Variants in CEP112 observed in about 807,000 individuals in gnomAD.
CEP112 encodes the protein centrosomal protein 112.
A neutral mutation model predicts 153.0 loss-of-function variants in CEP112; 127 were observed. The ratio of observed to expected loss-of-function variants is 0.83; its 90% CI spans 0.72 to 0.96. The LOEUF is 0.96. CEP112 is among the 40% of genes least tolerant of loss of function. The probability of loss-of-function intolerance (pLI) is 0.00; values close to 1 mark genes in which losing one functional copy is unlikely to be tolerated. For synonymous variants in CEP112, 358 were observed against 374.4 expected, an observed-to-expected ratio of 0.96 and a Z score of 0.51; for missense variants, 1,089 against 1,101.2, an observed-to-expected ratio of 0.99 and a Z score of 0.16.
intron 6 of CEP112, among the ~76,000 whole-genome samples, chr17:66,111,113 A>G (rs566030692): frequency 2.0e-5 from 3 of 152,348 alleles, no homozygotes; most frequent in African/African-American, 2.4e-5. Context: ...AAAAAGCTCA[A>G]TATCACTGAT....
At chr17:65,730,632 A>G (rs1228366298) in intron 23 of CEP112, among the ~76,000 whole-genome samples, 1 of 152,200 alleles carries the variant, frequency 6.6e-6, no homozygotes, top group African/African-American at 2.4e-5. Context: ...CTAGGCATCG[A>G]GATTTCTTCC....
chr17:65,983,545 C>G (rs1046658753), intron 17 of CEP112, among the ~76,000 whole-genome samples: 8 of 152,056 alleles, frequency 5.3e-5, no homozygotes, highest in African/African-American at 1.9e-4. Context: ...AGTGGGTTCT[C>G]ACTCTATTGG....
At chr17:66,050,801 G>T in intron 12 of CEP112, among the ~76,000 whole-genome samples, 1 of 151,856 alleles carries the variant, frequency 6.6e-6, no homozygotes, top group South Asian at 2.1e-4. Flanking sequence ...GCTGATTTAG[G>T]GTTATGCTTT....
chr17:66,112,624 G>C (rs975512626), intron 6 of CEP112, among the ~76,000 whole-genome samples: 2 of 152,012 alleles, frequency 1.3e-5, no homozygotes, highest in Admixed American at 1.3e-4. Flanking sequence ...CATGGTACCA[G>C]AGAAATGCGC....
chr17:65,937,578 G>GC (rs1259022824), intron 18 of CEP112, among the ~76,000 whole-genome samples: 9 of 71,596 alleles, frequency 1.3e-4, no homozygotes, highest in African/African-American at 1.4e-4. Context: ...GGGGGGGTCA[G>GC]CCCCCCACCC....
intron 10 of CEP112, among the ~76,000 whole-genome samples, chr17:66,065,175 G>A (rs1020344434): frequency 2.6e-5 from 4 of 152,166 alleles, no homozygotes; most frequent in South Asian, 2.1e-4. Flanking sequence ...TACTCCCAGC[G>A]CCATCATTCA....
chr17:65,951,001 A>AT (rs879754971), intron 18 of CEP112, among the ~76,000 whole-genome samples: 10 of 152,074 alleles, frequency 6.6e-5, no homozygotes, highest in South Asian at 4.2e-4. Context: ...CAATCACGTG[A>AT]TTTTTTCCCT....
chr17:65,810,196 A>G (rs2055863764), intron 21 of CEP112, among the ~76,000 whole-genome samples: 1 of 152,354 alleles, frequency 6.6e-6, no homozygotes, highest in East Asian at 1.9e-4. Flanking sequence ...CTGGTTACAA[A>G]GATAAACAAA....
intron 19 of CEP112, among the ~76,000 whole-genome samples, chr17:65,919,579 C>T (rs962755949): frequency 3.9e-4 from 59 of 152,008 alleles, no homozygotes; most frequent in Admixed American, 3.1e-3. Flanking sequence ...AATGAGTCAG[C>T]GGTGGAATCA....
In CEP112 at chr17:66,005,734, T is replaced by A; in HGVS notation, c.1692A>T (p.Lys564Asn). The change falls in exon 17 of 27, where the codon AAA becomes AAT. Residue 564 changes from lysine to asparagine, a missense_variant. Transcript: ENST00000535342. ...TATGAATTTTCTTTTGAGTATCTTC[T>A]TTTCCTTTATCAAGTTCACTCTGCA... ...HDLQSELDKG[K>N]EDTQKKIHKF... The A allele has an allele frequency of 1.2e-6, 2 of 1,609,574 alleles. No individual in the cohort carries two copies. The highest frequency in any genetic ancestry group is 1.7e-6 in the Non-Finnish European group (2 of 1,178,694).
chr17:65,864,581 T>C (rs1017357615), intron 20 of CEP112, among the ~76,000 whole-genome samples: 1 of 152,190 alleles, frequency 6.6e-6, no homozygotes, highest in African/African-American at 2.4e-5. Context: ...TCAGGCATTA[T>C]CAGAACTGCT....
intron 21 of CEP112, among the ~76,000 whole-genome samples, chr17:65,756,370 C>A (rs1203892167): frequency 7.5e-6 from 1 of 133,566 alleles, no homozygotes; most frequent in Non-Finnish European, 1.5e-5. Flanking sequence ...CGTGCCATTG[C>A]ACTCCAGCCT....
chr17:65,964,326 G>A (rs1372912762), intron 17 of CEP112, among the ~76,000 whole-genome samples: 7 of 152,108 alleles, frequency 4.6e-5, no homozygotes, highest in Non-Finnish European at 1.0e-4. Context: ...CATACTGAAG[G>A]CTGATTTTGG....
intron 21 of CEP112, among the ~76,000 whole-genome samples, chr17:65,837,873 T>C (rs866171207): frequency 1.3e-5 from 2 of 152,128 alleles, no homozygotes; most frequent in South Asian, 2.1e-4. Flanking sequence ...CTTTGTTAAA[T>C]AGATGCTTGA....
In CEP112 at chr17:66,191,451, G is replaced by GCA. The variant is rs1174223071; in HGVS notation, c.-9+544_-9+545dup. 6.6e-6 allele frequency among the ~76,000 whole-genome samples: 1 copy of GCA among 152,244 alleles called. No homozygotes were observed. The highest frequency in any genetic ancestry group is 2.4e-5 in the African/African-American group (1 of 41,472). ...ATAATTAACTCAGAAACACAGGGTA[G>GCA]CATCCTACATGCGGCGGTGCTGGGC... is the stretch of plus-strand genomic sequence containing the variant. On this transcript the variant is annotated intron_variant, in intron 1 of 26. Coordinates refer to ENST00000535342, the MANE Select transcript of CEP112 (RefSeq NM_001199165.4). This position sits in a 1 kb window ranked among gnomAD's most constrained non-coding sequence, Gnocchi z 4.2.
chr17:66,092,028 T>C (rs2068151195), intron 8 of CEP112, among the ~76,000 whole-genome samples: 1 of 148,228 alleles, frequency 6.7e-6, no homozygotes, highest in African/African-American at 2.4e-5. Context: ...GACTGAAGCA[T>C]TAATTTATGT....
chr17:65,637,541 C>A (rs1014928606), intron 25 of CEP112, among the ~76,000 whole-genome samples: 19 of 152,210 alleles, frequency 1.2e-4, no homozygotes, highest in Admixed American at 1.2e-3. Flanking sequence ...CTCTTTGGAA[C>A]ACTTGTCTTT....
chr17:66,164,645 C>T (rs2071859445), intron 4 of CEP112, among the ~76,000 whole-genome samples: 2 of 150,312 alleles, frequency 1.3e-5, no homozygotes, highest in Admixed American at 1.3e-4. Flanking sequence ...ATCACAACGT[C>T]AGGCATTCAA....
intron 20 of CEP112, among the ~76,000 whole-genome samples, chr17:65,888,336 A>G (rs558517560): frequency 5.9e-5 from 9 of 152,286 alleles, no homozygotes; most frequent in African/African-American, 2.2e-4. Context: ...TTATCATGCT[A>G]CATCCACTTG....
Sources: allele counts gnomAD v4.1 joint callset (sites outside exome capture counted in the v4.1 genomes callset), GRCh38; gene constraint gnomAD v4.1.1; non-coding constraint Gnocchi (gnomAD v3.1); transcripts MANE v1.5; gene names NCBI Gene and HGNC (gene_info 2026-07-23, HGNC 2026-07-21).